CR1L: variants seen among roughly 807,000 people sequenced by gnomAD.
The protein encoded by CR1L is complement component receptor 1-like protein.
A neutral mutation model predicts 62.3 loss-of-function variants in CR1L; 59 were observed. The observed-to-expected ratio is 0.95, with a 90% CI of 0.77 to 1.18. The LOEUF is 1.18. CR1L is among the 50% of genes most tolerant of loss of function. The probability of loss-of-function intolerance (pLI) is 0.00; values close to 1 mark genes in which losing one functional copy is unlikely to be tolerated. For synonymous variants in CR1L, 279 were observed against 248.7 expected, an observed-to-expected ratio of 1.12 and a Z score of -1.15; for missense variants, 700 against 702.8, an observed-to-expected ratio of 1.00 and a Z score of 0.04.
At chr1:207,721,750 C>G (rs201375686) in intron 11 of CR1L, among the ~76,000 whole-genome samples, 2 of 151,872 alleles carry the variant, frequency 1.3e-5, no homozygotes, top group Non-Finnish European at 2.9e-5. Context: ...AGTTCTAGAT[C>G]GCTGAGGAAT....
intron 3 of CR1L, among the ~76,000 whole-genome samples, chr1:207,682,984 C>CTTTCTTTCTTTCTT (rs1553243547): frequency 1.3e-5 from 1 of 77,632 alleles, no homozygotes; most frequent in Non-Finnish European, 3.1e-5. Flanking sequence ...TTCTTTCTTT[C>CTTTCTTTCTTTCTT]TTTCTTTTTT....
chr1:207,655,365 A>T, intron 1 of CR1L: 1 of 378,480 alleles, frequency 2.6e-6, no homozygotes, highest in South Asian at 3.4e-5. Flanking sequence ...TTTTAAGATT[A>T]ACAAAGATCC....
At chr1:207,710,794 C>T in intron 10 of CR1L, 1 of 1,581,620 alleles carries the variant, frequency 6.3e-7, no homozygotes, top group Admixed American at 1.7e-5. Context: ...GGTGTGTTTG[C>T]CTGAGGCCTA....
At chr1:207,680,548 T>TG (rs999067953) in intron 3 of CR1L, among the ~76,000 whole-genome samples, 10 of 152,120 alleles carry the variant, frequency 6.6e-5, no homozygotes, top group Non-Finnish European at 1.2e-4. Flanking sequence ...AAAAAAATTT[T>TG]TTTTTTAAGT....
At chr1:207,680,067 T>C (rs923621675) in intron 3 of CR1L, among the ~76,000 whole-genome samples, 2 of 152,200 alleles carry the variant, frequency 1.3e-5, no homozygotes, top group Admixed American at 1.3e-4. Context: ...TCATATGATG[T>C]ACAATACCAA....
chr1:207,696,100 G>C (rs72468039), intron 5 of CR1L, among the ~76,000 whole-genome samples: 5,839 of 152,250 alleles, frequency 0.038, 178 homozygotes, highest in South Asian at 0.12. Flanking sequence ...TCAGGGAGCT[G>C]CTGTGGCTCC....
At chr1:207,721,205 A>G (rs1199279257) in intron 11 of CR1L, among the ~76,000 whole-genome samples, 1 of 151,176 alleles carries the variant, frequency 6.6e-6, no homozygotes, top group South Asian at 2.1e-4. Context: ...CTTTTTTTTT[A>G]TTATACTTTA....
chr1:207,716,774 C>T (rs980662466), intron 10 of CR1L, among the ~76,000 whole-genome samples: 2 of 152,022 alleles, frequency 1.3e-5, no homozygotes, highest in South Asian at 2.1e-4. Context: ...CACATAATTC[C>T]GATAAACTTG....
rs1316882894 is a variant in CR1L at position 207,697,774 on chromosome 1, A to T, written c.1043A>T (p.Lys348Ile). 1.2e-6 allele frequency: 2 copies of T among 1,613,924 alleles called. No homozygotes were observed. The highest frequency in any genetic ancestry group is 1.7e-5 in the Admixed American group (1 of 60,014). Residue 348 changes from lysine to isoleucine, a missense_variant, in exon 7 of 12, where the codon AAA (lysine) becomes ATA (isoleucine). Transcript: ENST00000508064. ...WSPAAPRCEV[K>I]SCDDFLGQLP... The stretch of plus-strand genomic sequence containing the variant: ...GTTCGTTTTTCTTTTTTTCCAGTGA[A>T]ATCCTGTGATGACTTCCTGGGCCAA...
chr1:207,662,058 T>A (rs553221211), intron 1 of CR1L, among the ~76,000 whole-genome samples: 37 of 152,352 alleles, frequency 2.4e-4, no homozygotes, highest in African/African-American at 8.2e-4. Context: ...ACCCGACCTT[T>A]CTCTCTGGCT....
chr1:207,723,651 A>T lies in CR1L; in HGVS notation c.1676A>T (p.Tyr559Phe). ...GATGCTCTTATAGTTGGTAAGTTTTATGAAGTGTTTGCTGAGGAATTCTGT... is the reference window on the plus strand; with the variant it reads ...GATGCTCTTATAGTTGGTAAGTTTTTTGAAGTGTTTGCTGAGGAATTCTGT... ...SHDALIVGKF[Y>F]EVFAEEFCHL is the part of the protein sequence containing the mutation. Residue 559 changes from tyrosine (Y) to phenylalanine (F), a missense_variant, in exon 12 of 12, where the codon TAT becomes TTT. By Grantham distance (22) the Tyr-to-Phe change is conservative. Coordinates refer to ENST00000508064, the MANE Select transcript of CR1L (RefSeq NM_175710.2). 5 of 1,597,312 alleles carry T rather than the reference A, an allele frequency of 3.1e-6. No individual in the cohort carries two copies. Among genetic ancestry groups the T allele is most frequent in the Non-Finnish European group, 4.3e-6 (5 of 1,170,534 alleles).
chr1:207,698,738 C>T (rs561064634), intron 7 of CR1L, among the ~76,000 whole-genome samples: 19 of 152,320 alleles, frequency 1.2e-4, no homozygotes, highest in African/African-American at 4.6e-4. Context: ...GCCTTCTTCA[C>T]GCCATCACAG....
At chr1:207,671,820 C>T (rs1663619083) in intron 1 of CR1L, among the ~76,000 whole-genome samples, 1 of 150,714 alleles carries the variant, frequency 6.6e-6, no homozygotes, top group Non-Finnish European at 1.5e-5. Flanking sequence ...ACTCAGGAGG[C>T]TGAGGCAGGA....
At chr1:207,669,727 G>A (rs1160403906) in intron 1 of CR1L, among the ~76,000 whole-genome samples, 2 of 151,302 alleles carry the variant, frequency 1.3e-5, no homozygotes, top group Non-Finnish European at 2.9e-5. Context: ...CGGCGGGTCT[G>A]GGATCCTTCT....
chr1:207,702,441 G>A (rs1323461735), intron 9 of CR1L, among the ~76,000 whole-genome samples: 2 of 152,150 alleles, frequency 1.3e-5, no homozygotes, highest in African/African-American at 2.4e-5. Flanking sequence ...CATGAAGGGA[G>A]GAGTCATGCA....
intron 5 of CR1L, among the ~76,000 whole-genome samples, chr1:207,695,349 C>T (rs1390072643): frequency 1.3e-5 from 2 of 152,092 alleles, no homozygotes; most frequent in Non-Finnish European, 2.9e-5. Flanking sequence ...AGGCTTGTCT[C>T]GAACACCTGA....
At chr1:207,700,725 A>G (rs1571528417) in intron 8 of CR1L, among the ~76,000 whole-genome samples, 1 of 135,008 alleles carries the variant, frequency 7.4e-6, no homozygotes, top group East Asian at 4.8e-4. Context: ...TAGCACACAT[A>G]TATACATTTG....
chr1:207,659,846 C>T (rs1347124384), intron 1 of CR1L, among the ~76,000 whole-genome samples: 3 of 152,246 alleles, frequency 2.0e-5, no homozygotes, highest in Non-Finnish European at 4.4e-5. Context: ...GACCAGGAGA[C>T]TCCCTCCTGT....
chr1:207,693,689 G>A (rs1362438340), intron 4 of CR1L, among the ~76,000 whole-genome samples: 1 of 151,658 alleles, frequency 6.6e-6, no homozygotes, highest in Non-Finnish European at 1.5e-5. Context: ...TACCTCTTGT[G>A]TGTTGTGAAA....
Sources: gnomAD v4.1 joint callset for allele counts (sites outside exome capture counted in the v4.1 genomes callset) on GRCh38, gnomAD v4.1.1 for gene constraint, MANE v1.5 for transcripts, NCBI Gene and HGNC (gene_info 2026-07-23, HGNC 2026-07-21) for gene names.